Variants in PATJ observed in about 807,000 individuals in gnomAD.
PATJ encodes inaD-like protein.
In PATJ, 190 loss-of-function variants were observed where a neutral mutation model predicts 224.9. The ratio of observed to expected loss-of-function variants is 0.84; its 90% CI spans 0.75 to 0.95. The LOEUF (loss-of-function observed/expected upper bound fraction) is 0.95, where lower values mean the gene tolerates loss of function less well. Among genes scored for constraint, PATJ ranks in the 40% least tolerant of loss-of-function variants. The pLI is 0.00. For missense variants in PATJ, 2,121 were observed against 2,270.3 expected (o/e 0.93, Z 1.34); for synonymous variants, 769 against 820.3 (o/e 0.94, Z 1.07).
At chr1:61,939,963 C>T (rs549894954) in intron 27 of PATJ, among the ~76,000 whole-genome samples, 136 of 151,950 alleles carry the variant, frequency 9.0e-4, no homozygotes, top group African/African-American at 3.3e-3. Flanking sequence ...TGTGAGCCAC[C>T]GCGCCCGGCC....
chr1:62,036,893 G>A (rs1213924541), intron 29 of PATJ, among the ~76,000 whole-genome samples: 185 of 72,086 alleles, frequency 2.6e-3, no homozygotes, highest in East Asian at 8.2e-3. Flanking sequence ...AAGGAAGAAA[G>A]GAAGGAAGGG....
Position 61,752,313 on chromosome 1 carries a change from T to TTC in PATJ, c.-36+9759_-36+9760insCT, listed in dbSNP as rs200406121. On this transcript the variant is annotated intron_variant, in intron 1 of 43. Transcript: ENST00000642238. ...AAACTGACTCTTTTCATTTCTTTCT[T>TTC]TTTTTTTTTTTTTTTTTTAAGACGG... is the stretch of plus-strand genomic sequence containing the variant. 2.7e-3 allele frequency among the ~76,000 whole-genome samples: 347 copies of TTC among 128,590 alleles called. 1 individual carries two copies. The highest frequency in any genetic ancestry group is 3.9e-3 in the African/African-American group (139 of 35,864). 84.4% of individuals were successfully genotyped at this position (128,590 alleles called of 152,430 possible). A position where few individuals can be genotyped will look rare whatever the true frequency, so the allele number is the denominator to read the frequency against.
At chr1:61,773,880 G>A (rs1646762397) in intron 6 of PATJ, among the ~76,000 whole-genome samples, 1 of 151,952 alleles carries the variant, frequency 6.6e-6, no homozygotes, top group Admixed American at 6.6e-5. Context: ...CAGGACTTTG[G>A]GAGGCCAAGG....
chr1:61,967,319 C>G (rs1487473638), intron 27 of PATJ, among the ~76,000 whole-genome samples: 1 of 152,072 alleles, frequency 6.6e-6, no homozygotes, highest in African/African-American at 2.4e-5. Flanking sequence ...CTTGAATTTT[C>G]TAAACTTGCT....
intron 25 of PATJ, among the ~76,000 whole-genome samples, chr1:61,914,071 T>C (rs1331750735): frequency 6.6e-6 from 1 of 152,250 alleles, no homozygotes; most frequent in Non-Finnish European, 1.5e-5. Context: ...CCAAGTTTTA[T>C]TGTTTGCTTT....
At chr1:62,108,028 G>T (rs1441014223) in intron 33 of PATJ, among the ~76,000 whole-genome samples, 1 of 152,230 alleles carries the variant, frequency 6.6e-6, no homozygotes, top group Non-Finnish European at 1.5e-5. Flanking sequence ...CAAGTAATAA[G>T]GCCTGGCAAA....
At chr1:61,881,418 T>A (rs1270102645) in intron 21 of PATJ, among the ~76,000 whole-genome samples, 2 of 149,860 alleles carry the variant, frequency 1.3e-5, no homozygotes, top group African/African-American at 2.5e-5. Flanking sequence ...TTTTTTTTTT[T>A]TTTTTTTTTT....
chr1:62,106,154 GTGTGTATATATATATATATA>G lies in PATJ; in HGVS notation c.4378-2281_4378-2262del, dbSNP rs1380942049. ...TATATACATGTGTATATGTGTGTGT[GTGTGTATATATATATATATA>G]TATATATATATATGGCTGGGCACAG... On this transcript the variant is annotated intron_variant, in intron 33 of 43. Transcript: ENST00000642238. Among the ~76,000 whole-genome samples the G allele has an allele frequency of 2.5e-4, 12 of 48,464 alleles. 2 individuals carry two copies. The highest frequency in any genetic ancestry group is 1.0e-3 in the African/African-American group (12 of 11,836). 31.8% of individuals were successfully genotyped at this position (48,464 alleles called of 152,430 possible).
chr1:61,955,186 G>A (rs1315340106), intron 27 of PATJ, among the ~76,000 whole-genome samples: 1 of 152,038 alleles, frequency 6.6e-6, no homozygotes, highest in East Asian at 1.9e-4. Context: ...TGCTTGGAGG[G>A]GTTTATCCAT....
chr1:62,017,304 C>T (rs1203460808), intron 28 of PATJ, among the ~76,000 whole-genome samples: 1 of 151,804 alleles, frequency 6.6e-6, no homozygotes, highest in Non-Finnish European at 1.5e-5. Context: ...GTCCCAGCTA[C>T]TCGGGAGGCT....
At chr1:61,794,201 CT>C (rs1221304299) in intron 9 of PATJ, among the ~76,000 whole-genome samples, 52 of 147,572 alleles carry the variant, frequency 3.5e-4, no homozygotes, top group South Asian at 1.5e-3. Context: ...TGTGCCCGGA[CT>C]TTTTTTTTTT....
chr1:61,901,203 A>T, intron 23 of PATJ, 79 bp from the exon 24 acceptor site: 3 of 778,058 alleles, frequency 3.9e-6, no homozygotes, highest in Non-Finnish European at 5.7e-6. Flanking sequence ...AGTCACAAGG[A>T]TATGATGCAA....
chr1:62,054,500 A>G (rs1654208907), intron 31 of PATJ, among the ~76,000 whole-genome samples: 1 of 152,228 alleles, frequency 6.6e-6, no homozygotes, highest in South Asian at 2.1e-4. Context: ...GGAGTTTATA[A>G]TAATTTCAGA....
intron 33 of PATJ, among the ~76,000 whole-genome samples, chr1:62,101,259 C>CTTTTTTTTTTT (rs916854253): frequency 5.9e-4 from 72 of 122,610 alleles, no homozygotes; most frequent in Non-Finnish European, 6.6e-4. Flanking sequence ...CTTTTCTTTT[C>CTTTTTTTTTTT]TTTTTTTTTT....
At chr1:61,822,445 A>AAG (rs966072391) in intron 14 of PATJ, among the ~76,000 whole-genome samples, 1 of 137,336 alleles carries the variant, frequency 7.3e-6, no homozygotes, top group Non-Finnish European at 1.6e-5. Context: ...AAAAAAAAAA[A>AAG]AGAAAAGAAA....
chr1:61,930,596 G>T (rs1675884968), intron 27 of PATJ, among the ~76,000 whole-genome samples: 1 of 152,118 alleles, frequency 6.6e-6, no homozygotes, highest in East Asian at 1.9e-4. Flanking sequence ...TTTTTGAGAT[G>T]GGGTCTTGTT....
intron 19 of PATJ, among the ~76,000 whole-genome samples, chr1:61,862,920 A>C (rs1218657369): frequency 6.6e-6 from 1 of 150,458 alleles, no homozygotes. Flanking sequence ...GATGTCTATT[A>C]TATTTTTTAG....
Position 62,160,968 on chromosome 1 carries a change from G to A in PATJ, c.5563G>A (p.Glu1855Lys), listed in dbSNP as rs753720948. The A allele has an allele frequency of 6.2e-6, 10 of 1,613,662 alleles. No individual in the cohort carries two copies. Among genetic ancestry groups the A allele is most frequent in the East Asian group, 2.2e-5 (1 of 44,896 alleles). Residue 1855 changes from glutamate (E) to lysine (K), a missense_variant, in exon 44 of 44, where the codon GAG becomes AAG. Physicochemically the swap from Glu to Lys is moderately conservative, Grantham distance 56. Transcript: ENST00000642238. ...GGATCAGATTTTAGCTGTTAATGGC[G>A]AGACCCTGGAAGGTGTTACTCATGA... ...RGDQILAVNGETLEGVTHEQA... is the reference protein window; with the variant it reads ...RGDQILAVNGKTLEGVTHEQA...
chr1:61,993,699 C>A (rs12076607), intron 28 of PATJ, among the ~76,000 whole-genome samples: 9,753 of 152,000 alleles, frequency 0.064, 863 homozygotes, highest in African/African-American at 0.2. Context: ...TCAGGAAATT[C>A]CAAGGGTTTT....
Sources: allele counts gnomAD v4.1 joint callset (sites outside exome capture counted in the v4.1 genomes callset), GRCh38; gene constraint gnomAD v4.1.1; transcripts MANE v1.5; gene names NCBI Gene and HGNC (gene_info 2026-07-23, HGNC 2026-07-21).